Variants in ESR1 observed in about 807,000 individuals in gnomAD.
ESR1 encodes the protein estrogen receptor.
Under a neutral mutation model 52.7 loss-of-function variants are expected in ESR1, and 12 were observed. The observed-to-expected ratio is 0.23, with a 90% CI of 0.15 to 0.37. The LOEUF is 0.37. Among genes scored for constraint, ESR1 ranks in the 10% least tolerant of loss-of-function variants. The pLI, the probability that ESR1 is intolerant of heterozygous loss-of-function variation, is 1.00. For synonymous variants in ESR1, 305 were observed against 316.8 expected (o/e 0.96, Z 0.39); for missense variants, 584 against 779.7 (o/e 0.75, Z 2.99).
At chr6:152,014,439 A>G (rs1221564951) in intron 5 of ESR1, among the ~76,000 whole-genome samples, 1 of 151,990 alleles carries the variant, frequency 6.6e-6, no homozygotes, top group Non-Finnish European at 1.5e-5. Context: ...TCACCACTCT[A>G]TGCTTTCCCA....
intron 2 of ESR1, among the ~76,000 whole-genome samples, chr6:151,735,118 G>C (rs1172701634): frequency 6.6e-6 from 1 of 152,146 alleles, no homozygotes; most frequent in African/African-American, 2.4e-5. Context: ...TCATGGCTGT[G>C]TTATTGTGGG....
intron 6 of ESR1, among the ~76,000 whole-genome samples, chr6:152,073,328 G>A (rs1227501459): frequency 6.6e-6 from 1 of 152,130 alleles, no homozygotes; most frequent in African/African-American, 2.4e-5. Context: ...AAGGGACTTC[G>A]ATTTTGTATT....
chr6:152,113,883 GT>G (rs1009609519), intron 6 of ESR1, among the ~76,000 whole-genome samples: 1 of 152,178 alleles, frequency 6.6e-6, no homozygotes, highest in Non-Finnish European at 1.5e-5. Flanking sequence ...GTTTAAGTAA[GT>G]TGCTCAGGTT....
intron 5 of ESR1, among the ~76,000 whole-genome samples, chr6:152,016,729 G>A (rs1243772684): frequency 6.6e-6 from 1 of 152,114 alleles, no homozygotes; most frequent in Admixed American, 6.6e-5. Context: ...AACATTTTTA[G>A]CAACAAATAG....
chr6:151,731,081 C>T (rs577903168), intron 2 of ESR1, among the ~76,000 whole-genome samples: 3 of 152,140 alleles, frequency 2.0e-5, no homozygotes, highest in East Asian at 3.9e-4. Context: ...GCAGGCTGGA[C>T]GCAGTGGCCA....
chr6:151,870,597 C>G (rs999840592), intron 2 of ESR1, among the ~76,000 whole-genome samples: 7 of 152,166 alleles, frequency 4.6e-5, no homozygotes, highest in African/African-American at 1.7e-4. Flanking sequence ...AGTGAGTCAA[C>G]TTCTTGGAGT....
At chr6:151,758,283 T>A (rs2128091066) in intron 2 of ESR1, among the ~76,000 whole-genome samples, 1 of 152,348 alleles carries the variant, frequency 6.6e-6, no homozygotes, top group African/African-American at 2.4e-5. Context: ...CAACTTAAAA[T>A]ATACTCGTCT....
At chr6:151,888,015 T>C (rs1794139421) in intron 3 of ESR1, among the ~76,000 whole-genome samples, 1 of 152,230 alleles carries the variant, frequency 6.6e-6, no homozygotes. Context: ...TGAATTTATT[T>C]CTGGGTTCTC....
chr6:151,723,749 A>G (rs7749659), intron 2 of ESR1, among the ~76,000 whole-genome samples: 43,097 of 151,552 alleles, frequency 0.28, 6,565 homozygotes, highest in African/African-American at 0.4. Context: ...CATTCCTGTA[A>G]TCCTTAGCTA....
Position 152,058,218 on chromosome 6 carries a change from A to C in ESR1, c.1236-2773A>C, listed in dbSNP as rs562566261. Among the ~76,000 whole-genome samples, 4 of 152,300 alleles carry C rather than the reference A, an allele frequency of 2.6e-5. No homozygotes were observed. The South Asian group carries it at 8.3e-4, about 32-fold the overall frequency. ...AGAAAGAAGATGAACTGCTTAAAAAAAAAATTCAACTCCATGACAAGAAAA... is the reference window on the plus strand; with the variant it reads ...AGAAAGAAGATGAACTGCTTAAAAACAAAATTCAACTCCATGACAAGAAAA... On this transcript the variant is annotated intron_variant, in intron 5 of 7. Coordinates refer to ENST00000206249, the MANE Select transcript of ESR1 (RefSeq NM_000125.4).
chr6:152,087,127 A>G (rs998104879), intron 6 of ESR1, among the ~76,000 whole-genome samples: 1 of 152,076 alleles, frequency 6.6e-6, no homozygotes, highest in African/African-American at 2.4e-5. Flanking sequence ...TCTTTGAGCA[A>G]ATTGGTTGCT....
At chr6:151,948,297 T>A (rs998936593) in intron 4 of ESR1, among the ~76,000 whole-genome samples, 2 of 152,202 alleles carry the variant, frequency 1.3e-5, no homozygotes, top group African/African-American at 4.8e-5. Context: ...TTCACCATAA[T>A]TTTACATGTC....
intron 4 of ESR1, among the ~76,000 whole-genome samples, chr6:151,985,520 A>AAC (rs2040386828): frequency 1.4e-5 from 2 of 141,128 alleles, no homozygotes; most frequent in African/African-American, 5.6e-5. Context: ...AAAAAAAAAA[A>AAC]AAAAAAAAAA....
intron 4 of ESR1, among the ~76,000 whole-genome samples, chr6:151,975,347 T>C (rs1292989645): frequency 6.6e-6 from 1 of 152,190 alleles, no homozygotes; most frequent in Non-Finnish European, 1.5e-5. Flanking sequence ...CCCCACTCTT[T>C]TTTTCCCTTA....
intron 4 of ESR1, among the ~76,000 whole-genome samples, chr6:151,965,340 T>C (rs1330820431): frequency 6.6e-6 from 1 of 152,212 alleles, no homozygotes; most frequent in Admixed American, 6.5e-5. Context: ...TCTTTGAATA[T>C]CTTTGTCTAG....
chr6:151,906,832 G>A lies in ESR1; in HGVS notation c.760+26061G>A, dbSNP rs1241117107. 3.3e-5 allele frequency among the ~76,000 whole-genome samples: 5 copies of A among 149,840 alleles called. No individual in the cohort carries two copies. The East Asian group carries it at 9.8e-4, about 29-fold the overall frequency. On this transcript the variant is annotated intron_variant, in intron 3 of 7. Coordinates refer to ENST00000206249, the MANE Select transcript of ESR1 (RefSeq NM_000125.4). The stretch of plus-strand genomic sequence containing the variant: ...TGTCTAATAAATCTTTCCTTCCCTG[G>A]ACGCTATAAAGTTATTTGTCTATAT...
intron 2 of ESR1, among the ~76,000 whole-genome samples, chr6:151,712,219 C>T (rs1369205406): frequency 1.3e-5 from 2 of 152,076 alleles, no homozygotes; most frequent in African/African-American, 4.8e-5. Context: ...GTTTTGGTAC[C>T]AGTACCATGC....
chr6:151,913,588 C>T lies in ESR1; in HGVS notation c.761-30585C>T, dbSNP rs570994719. ...TTGTATTTCATAATTGTGATTATTA[C>T]AATACCTATGAAGATTAATTAGGAC... On this transcript the variant is annotated intron_variant, in intron 3 of 7. Coordinates refer to ENST00000206249, the MANE Select transcript of ESR1 (RefSeq NM_000125.4). 4.6e-5 allele frequency among the ~76,000 whole-genome samples: 7 copies of T among 152,282 alleles called. No homozygotes were observed. The South Asian group carries it at 1.4e-3, about 32-fold the overall frequency.
chr6:151,663,227 G>A (rs893306718), intron 1 of ESR1, among the ~76,000 whole-genome samples: 1 of 152,170 alleles, frequency 6.6e-6, no homozygotes, highest in Admixed American at 6.5e-5. Context: ...GTAAGGAGGT[G>A]GTTTAGAAAT....
Sources: gnomAD v4.1 joint callset for allele counts (sites outside exome capture counted in the v4.1 genomes callset) on GRCh38, gnomAD v4.1.1 for gene constraint, MANE v1.5 for transcripts, NCBI Gene and HGNC (gene_info 2026-07-23, HGNC 2026-07-21) for gene names.